Variants in ARSF observed in about 807,000 individuals in gnomAD.
ARSF encodes arylsulfatase F.
Under a neutral mutation model 35.4 loss-of-function variants are expected in ARSF, and 33 were observed. The ratio of observed to expected loss-of-function variants is 0.93; its 90% CI spans 0.71 to 1.25. The LOEUF (loss-of-function observed/expected upper bound fraction) is 1.25, where lower values mean the gene tolerates loss of function less well. Among genes scored for constraint, ARSF ranks in the 50% most tolerant of loss-of-function variants. The pLI is 0.00. For missense variants in ARSF, 501 were observed against 480.2 expected, an observed-to-expected ratio of 1.04 and a Z score of -0.40; for synonymous variants, 222 against 193.1, an observed-to-expected ratio of 1.15 and a Z score of -1.24.
At chrX:3,093,994 G>C (rs970564609) in intron 7 of ARSF, among the ~76,000 whole-genome samples, 1 of 111,540 alleles carries the variant, frequency 9.0e-6, no homozygotes, top group Non-Finnish European at 1.9e-5. Flanking sequence ...ATTATAGATG[G>C]ATACATTGAA....
At chrX:3,093,024 T>TTAG (rs758505259) in intron 7 of ARSF, among the ~76,000 whole-genome samples, 2,843 of 110,215 alleles carry the variant, frequency 0.026, 137 homozygotes, top group African/African-American at 0.091. Context: ...TACAAACACA[T>TTAG]CCGTGGTGGC....
At chrX:3,097,596 G>A (rs2090345519) in intron 7 of ARSF, among the ~76,000 whole-genome samples, 2 of 112,025 alleles carry the variant, frequency 1.8e-5, no homozygotes, top group African/African-American at 6.5e-5. Flanking sequence ...TACTGATGAG[G>A]AATTGAGAAA....
At position 3,112,209 on chromosome X, in the gene ARSF, G is replaced by A. The variant is rs2090450217; in HGVS notation, c.1426G>A (p.Val476Ile). 1 of 1,207,305 alleles carries A rather than the reference G, an allele frequency of 8.3e-7. No individual in the cohort carries two copies. ...SVWKAHYVTPVFQPPASGGCY... is the reference protein window; with the variant it reads ...SVWKAHYVTPIFQPPASGGCY... ...TTGGAAGGCTCACTATGTGACCCCGGTATTCCAGCCACCAGCTTCTGGTGG... is the reference window on the plus strand; with the variant it reads ...TTGGAAGGCTCACTATGTGACCCCGATATTCCAGCCACCAGCTTCTGGTGG... Residue 476 changes from valine to isoleucine, a missense_variant, in exon 11 of 11, where the codon GTA (valine) becomes ATA (isoleucine). Val to Ile is a conservative substitution (Grantham distance 29, BLOSUM62 3). Coordinates refer to ENST00000381127, the MANE Select transcript of ARSF (RefSeq NM_001201539.2).
At chrX:3,088,322 A>G (rs1007585983) in intron 6 of ARSF, among the ~76,000 whole-genome samples, 3 of 111,410 alleles carry the variant, frequency 2.7e-5, no homozygotes, top group African/African-American at 9.8e-5. Context: ...CACCAAACAG[A>G]GCTGGATTTG....
intron 5 of ARSF, among the ~76,000 whole-genome samples, chrX:3,082,225 C>G (rs2090206884): frequency 8.9e-6 from 1 of 111,868 alleles, no homozygotes. Flanking sequence ...TTACTTCGAT[C>G]AGTTTTAATG....
chrX:3,110,244 A>G lies in ARSF; in HGVS notation c.1382A>G (p.Lys461Arg). 8.5e-7 allele frequency: 1 copy of G among 1,178,548 alleles called. No individual in the cohort carries two copies. Among genetic ancestry groups the G allele is most frequent in the Non-Finnish European group, 1.1e-6 (1 of 877,127 alleles). The change falls in exon 10 of 11, where the codon AAG becomes AGG. Residue 461 changes from lysine to arginine, a missense_variant. By Grantham distance (26) the Lys-to-Arg change is conservative (BLOSUM62 2). Transcript: ENST00000381127. ...CTGCACGCCGTGCGGTGGATCCCCA[A>G]GGACGACAGTGAGTGCTCAACCCGT... is the stretch of plus-strand genomic sequence containing the variant. ...SYLHAVRWIPKDDSGSVWKAH... is the reference protein window; with the variant it reads ...SYLHAVRWIPRDDSGSVWKAH...
intron 5 of ARSF, 42 bp downstream of exon 5, chrX:3,081,055 A>G: frequency 1.7e-6 from 2 of 1,192,622 alleles, no homozygotes; most frequent in South Asian, 3.7e-5. Context: ...TCATAAGGTA[A>G]TCATGTCCTT....
At chrX:3,076,708 T>A (rs984604269) in intron 4 of ARSF, 39 bp downstream of exon 4, 2 of 1,189,654 alleles carry the variant, frequency 1.7e-6, no homozygotes, top group Admixed American at 2.3e-5. Flanking sequence ...TCTGCCCTCA[T>A]GTTAGGATGT....
rs757756592 is a variant in ARSF, at chrX:3,101,100, T to G, written c.981T>G (p.Asp327Glu). Residue 327 changes from aspartate to glutamate, a missense_variant, in exon 8 of 11, where the codon GAT becomes GAG. Coordinates refer to ENST00000381127, the MANE Select transcript of ARSF (RefSeq NM_001201539.2). ...ATATTATTTTAGGCAAGATTCTTGA[T>G]GCTATCGATGATTTTGGCCTAAGGA... ...EMDSMVGKILDAIDDFGLRNN... is the reference protein window; with the variant it reads ...EMDSMVGKILEAIDDFGLRNN... The G allele has an allele frequency of 8.3e-7, 1 of 1,209,632 alleles. No individual in the cohort carries two copies. Among genetic ancestry groups the G allele is most frequent in the Non-Finnish European group, 1.1e-6 (1 of 894,193 alleles).
intron 10 of ARSF, among the ~76,000 whole-genome samples, chrX:3,110,599 C>T (rs766975877): frequency 8.9e-6 from 1 of 112,254 alleles, no homozygotes; most frequent in Non-Finnish European, 1.9e-5. Flanking sequence ...GACACTTTTA[C>T]GAAACATACA....
chrX:3,053,970 C>G (rs1382565582), intron 1 of ARSF, among the ~76,000 whole-genome samples: 1 of 110,206 alleles, frequency 9.1e-6, no homozygotes. Context: ...CCATGTTGGC[C>G]AGGCTGGTCT....
intron 4 of ARSF, among the ~76,000 whole-genome samples, chrX:3,078,216 G>A (rs893674578): frequency 3.6e-5 from 4 of 110,768 alleles, no homozygotes; most frequent in Non-Finnish European, 7.6e-5. Context: ...TTGAGACAAG[G>A]TCTTGCTCTG....
chrX:3,103,210 A>G (rs910990343), intron 8 of ARSF, among the ~76,000 whole-genome samples: 1 of 111,558 alleles, frequency 9.0e-6, no homozygotes, highest in African/African-American at 3.3e-5. Context: ...CATGGAGTTT[A>G]TATCCTACTG....
Position 3,084,648 on chromosome X carries a change from C to A in ARSF, c.812C>A (p.Ala271Glu). The A allele has an allele frequency of 8.6e-7, 1 of 1,163,369 alleles. No homozygotes were observed. Among genetic ancestry groups the A allele is most frequent in the Non-Finnish European group, 1.1e-6 (1 of 874,612 alleles). ...GCTGGATCCATTATGGTGAAGGAAG[C>A]GATTTCCTTTTTAGAAAGGTAAGCG... Reference protein sequence around the residue: ...ERAGSIMVKEAISFLERHSKE... With the variant: ...ERAGSIMVKEEISFLERHSKE... The change falls in exon 6 of 11, where the codon GCG becomes GAG. Residue 271 changes from alanine (A) to glutamate (E), a missense_variant. Physicochemically the swap from Ala to Glu is moderately radical, Grantham distance 107 (BLOSUM62 -1). Transcript: ENST00000381127.
intron 7 of ARSF, among the ~76,000 whole-genome samples, chrX:3,091,167 A>C (rs148097059): frequency 2.0e-3 from 225 of 112,206 alleles, no homozygotes; most frequent in South Asian, 0.017. Context: ...TGCCTGCCTC[A>C]GCCTCTCAAA....
chrX:3,065,259 G>A (rs1484781590), intron 1 of ARSF, among the ~76,000 whole-genome samples: 1 of 101,044 alleles, frequency 9.9e-6, no homozygotes, highest in African/African-American at 3.7e-5. Context: ...CACAGGGTGG[G>A]GGACATCACA....
intron 6 of ARSF, among the ~76,000 whole-genome samples, chrX:3,088,057 G>A (rs912645288): frequency 1.6e-4 from 18 of 111,906 alleles, no homozygotes; most frequent in Non-Finnish European, 3.0e-4. Flanking sequence ...TTTGTGCTGT[G>A]TGTTTTCCTG....
At chrX:3,064,888 A>C (rs1414668538) in intron 1 of ARSF, among the ~76,000 whole-genome samples, 1 of 111,870 alleles carries the variant, frequency 8.9e-6, no homozygotes, top group Non-Finnish European at 1.9e-5. Context: ...TGTGGAAGAC[A>C]GTGTGGCAAT....
At position 3,076,565 on chromosome X, in the gene ARSF, G is replaced by A. The variant is rs746758192; in HGVS notation, c.179G>A (p.Arg60His). ...NDTMRTPHIDRLAREGVRLTQ... is the reference protein window; with the variant it reads ...NDTMRTPHIDHLAREGVRLTQ... The stretch of plus-strand genomic sequence containing the variant: ...CCCTTCAGGACGCCTCACATCGACC[G>A]CCTTGCCAGGGAAGGCGTGCGACTG... Residue 60 changes from arginine (R) to histidine (H), a missense_variant, in exon 4 of 11, where the codon CGC becomes CAC. By Grantham distance (29) the Arg-to-His change is conservative (BLOSUM62 0). Transcript: ENST00000381127. 1.7e-5 allele frequency: 21 copies of A among 1,204,078 alleles called. No individual in the cohort carries two copies. The East Asian group carries it at 3.9e-4, about 22-fold the overall frequency.
Sources: allele counts gnomAD v4.1 joint callset (sites outside exome capture counted in the v4.1 genomes callset), GRCh38; gene constraint gnomAD v4.1.1; transcripts MANE v1.5; gene names NCBI Gene and HGNC (gene_info 2026-07-23, HGNC 2026-07-21).